The following EYS variants were observed in gnomAD, a reference collection of about 807,000 sequenced individuals.
EYS encodes the protein EGF-like photoreceptor maintenance factor.
Under a neutral mutation model 282.1 loss-of-function variants are expected in EYS, and 250 were observed. The ratio of observed to expected loss-of-function variants is 0.89; its 90% confidence interval spans 0.80 to 0.98. The LOEUF is 0.98. Ranked by LOEUF, EYS falls within the 50% of genes least tolerant of loss-of-function variation. The probability of loss-of-function intolerance (pLI) is 0.00; values close to 1 mark genes in which losing one functional copy is unlikely to be tolerated. For missense variants in EYS, 4,016 were observed against 3,709.0 expected, an observed-to-expected ratio of 1.08 and a Z score of -2.15; for synonymous variants, 1,355 against 1,282.9, an observed-to-expected ratio of 1.06 and a Z score of -1.20.
Position 65,495,540 on chromosome 6 carries a change from T to C in EYS, c.-130A>G. 1.2e-6 allele frequency: 1 copy of C among 861,886 alleles called. No homozygotes were observed. The highest frequency in any genetic ancestry group is 1.5e-5 in the South Asian group (1 of 64,978). The allele number at this position is 861,886 out of a possible 1,614,324, so 53.4% of individuals were successfully genotyped here. On this transcript the variant is annotated 5_prime_UTR_variant, in exon 4 of 43. Coordinates refer to ENST00000503581, the MANE Select transcript of EYS (RefSeq NM_001142800.2). Reference sequence around the variant, plus strand: ...GGAATTGGAATTGACCTTTTTTCTATACCCAAAGTAGCTTTGATGACAATG... The same window carrying C: ...GGAATTGGAATTGACCTTTTTTCTACACCCAAAGTAGCTTTGATGACAATG...
chr6:65,001,202 T>C (rs1204603928), intron 13 of EYS, among the ~76,000 whole-genome samples: 2 of 148,688 alleles, frequency 1.3e-5, no homozygotes, highest in African/African-American at 4.8e-5. Flanking sequence ...GTATGATAGC[T>C]ATCTGTATCC....
chr6:64,138,465 A>T (rs1774234879), intron 31 of EYS, among the ~76,000 whole-genome samples: 1 of 152,122 alleles, frequency 6.6e-6, no homozygotes, highest in African/African-American at 2.4e-5. Flanking sequence ...GACAGTTAGG[A>T]CATTTCATTT....
At chr6:64,141,462 G>A (rs1774334912) in intron 31 of EYS, among the ~76,000 whole-genome samples, 1 of 152,140 alleles carries the variant, frequency 6.6e-6, no homozygotes, top group African/African-American at 2.4e-5. Flanking sequence ...TAGAAACAAA[G>A]ACCATGTGTC....
chr6:64,332,263 C>T lies in EYS; in HGVS notation c.6079-25181G>A, dbSNP rs190914791. Among the ~76,000 whole-genome samples, 3 of 152,228 alleles carry T rather than the reference C, an allele frequency of 2.0e-5. No homozygotes were observed. The East Asian group carries it at 5.8e-4, about 29-fold the overall frequency. On this transcript the variant is annotated intron_variant, in intron 29 of 42. Transcript: ENST00000503581. ...CTGTGAGATAGTGTTCGGCTGACCA[C>T]CCTCAATCATAATTCAGATAAAAGG...
rs60684321 is a variant in EYS, at chr6:64,989,394, A to AATATATATATAT, written c.2259+8176_2259+8187dup. ...AAGAGGCTATTTACTGGCTAGCTGT[A>AATATATATATAT]ATATATATATATATATATATATGAA... is the stretch of plus-strand genomic sequence containing the variant. On this transcript the variant is annotated intron_variant, in intron 14 of 42. Transcript: ENST00000503581. 8.0e-3 allele frequency among the ~76,000 whole-genome samples: 555 copies of AATATATATATAT among 69,718 alleles called. 116 individuals carry two copies. Among genetic ancestry groups the AATATATATATAT allele is most frequent in the African/African-American group, 0.016 (213 of 13,138 alleles). 45.7% of individuals were successfully genotyped at this position (69,718 alleles called of 152,430 possible). A position where few individuals can be genotyped will look rare whatever the true frequency, so the allele number is the denominator to read the frequency against.
intron 26 of EYS, among the ~76,000 whole-genome samples, chr6:64,563,351 G>T (rs1251968971): frequency 6.6e-6 from 1 of 151,780 alleles, no homozygotes; most frequent in East Asian, 1.9e-4. Flanking sequence ...GATGAAAAAA[G>T]AATTCTTGGT....
chr6:64,252,688 C>T (rs1767261195), intron 30 of EYS, among the ~76,000 whole-genome samples: 1 of 152,150 alleles, frequency 6.6e-6, no homozygotes, highest in Non-Finnish European at 1.5e-5. Flanking sequence ...CCTACTTTCC[C>T]TGATGGATGC....
intron 2 of EYS, among the ~76,000 whole-genome samples, chr6:65,606,103 T>C (rs1280588235): frequency 6.6e-6 from 1 of 151,602 alleles, no homozygotes; most frequent in Non-Finnish European, 1.5e-5. Flanking sequence ...TTAAAAACAA[T>C]ATTTATTTAC....
intron 36 of EYS, chr6:63,821,498 C>T (rs1036056820): frequency 3.9e-5 from 6 of 152,088 alleles, no homozygotes; most frequent in Non-Finnish European, 5.9e-5. Flanking sequence ...GGAAAGGGGA[C>T]GTAGTGTACT....
rs148045471 is a variant in EYS, at chr6:63,729,759, T to C, written c.8072-3079A>G. Among the ~76,000 whole-genome samples the C allele has an allele frequency of 3.7e-3, 562 of 152,228 alleles. 3 individuals are homozygous for C. The highest frequency in any genetic ancestry group is 0.014 in the Middle Eastern group (4 of 294). On this transcript the variant is annotated intron_variant, in intron 41 of 42. Transcript: ENST00000503581. ...ATTTCTCCTGGTTTCCCACCCTATCTCTCTAGCTTCATGTGCCCCTGTCTT... is the reference window on the plus strand; with the variant it reads ...ATTTCTCCTGGTTTCCCACCCTATCCCTCTAGCTTCATGTGCCCCTGTCTT...
intron 5 of EYS, among the ~76,000 whole-genome samples, chr6:65,421,716 A>T (rs1767465981): frequency 6.6e-6 from 1 of 151,850 alleles, no homozygotes; most frequent in Non-Finnish European, 1.5e-5. Context: ...TCACTGAAAC[A>T]CTTAGAGGCC....
rs529943102 is a variant in EYS at position 64,854,158 on chromosome 6, T to C, written c.2993-31336A>G. On this transcript the variant is annotated intron_variant, in intron 19 of 42. Transcript: ENST00000503581. Reference sequence around the variant, plus strand: ...CACTTTTACACTGTTGCTGGGACTGTAAACTAGTTCAACCATTGTGGAAGT... The same window carrying C: ...CACTTTTACACTGTTGCTGGGACTGCAAACTAGTTCAACCATTGTGGAAGT... 9.3e-4 allele frequency among the ~76,000 whole-genome samples: 141 copies of C among 152,254 alleles called. 1 individual carries two copies. The highest frequency in any genetic ancestry group is 3.1e-3 in the Admixed American group (47 of 15,278).
chr6:65,513,774 A>G (rs1377384960), intron 2 of EYS, among the ~76,000 whole-genome samples: 2 of 151,982 alleles, frequency 1.3e-5, no homozygotes, highest in South Asian at 4.2e-4. Context: ...TAAATTAGGT[A>G]TTGATGGGAT....
intron 2 of EYS, among the ~76,000 whole-genome samples, chr6:65,629,137 T>C (rs1047661302): frequency 1.3e-5 from 2 of 152,250 alleles, no homozygotes; most frequent in Admixed American, 1.3e-4. Context: ...GTTCAACAAA[T>C]AGTGCAAGGA....
chr6:64,903,413 T>C (rs1030515836), intron 16 of EYS, among the ~76,000 whole-genome samples: 2 of 152,172 alleles, frequency 1.3e-5, no homozygotes, highest in Admixed American at 1.3e-4. Flanking sequence ...GAAAACTGTA[T>C]TCATTGTTTG....
chr6:64,664,644 A>G (rs1019383936), intron 22 of EYS, among the ~76,000 whole-genome samples: 3 of 152,118 alleles, frequency 2.0e-5, no homozygotes, highest in Admixed American at 1.3e-4. Flanking sequence ...TTACCAAATG[A>G]TTAGGTCCTG....
intron 19 of EYS, among the ~76,000 whole-genome samples, chr6:64,844,427 A>G (rs552663299): frequency 7.1e-4 from 108 of 151,072 alleles, no homozygotes; most frequent in African/African-American, 2.5e-3. Context: ...TTCTCAAAAT[A>G]TTTTCCAAAT....
intron 12 of EYS, among the ~76,000 whole-genome samples, chr6:65,104,814 T>C (rs1774989578): frequency 6.6e-6 from 1 of 151,642 alleles, no homozygotes; most frequent in Admixed American, 6.6e-5. Flanking sequence ...TATTTTCCTT[T>C]AAGAATTTCA....
intron 13 of EYS, among the ~76,000 whole-genome samples, chr6:65,050,156 C>CA (rs138948000): frequency 0.048 from 7,333 of 151,354 alleles, 305 homozygotes; most frequent in East Asian, 0.16. Context: ...ATAAAAGAAG[C>CA]AAAAAAATAT....
Sources: allele counts gnomAD v4.1 joint callset (sites outside exome capture counted in the v4.1 genomes callset), GRCh38; gene constraint gnomAD v4.1.1; transcripts MANE v1.5; gene names NCBI Gene and HGNC (gene_info 2026-07-23, HGNC 2026-07-21).